TIAM2: variants seen among roughly 807,000 people sequenced by gnomAD.
TIAM2 encodes rho guanine nucleotide exchange factor TIAM2.
In TIAM2, 80 loss-of-function variants were observed where a neutral mutation model predicts 152.9. The ratio of observed to expected loss-of-function variants is 0.52; its 90% CI spans 0.44 to 0.63. TIAM2 has a LOEUF of 0.63. Among genes scored for constraint, TIAM2 ranks in the 30% least tolerant of loss-of-function variants. TIAM2 has a pLI of 0.00. For synonymous variants in TIAM2, 804 were observed against 838.0 expected (o/e 0.96, Z 0.70); for missense variants, 1,965 against 2,120.1 (o/e 0.93, Z 1.44).
chr6:155,249,890 A>C lies in TIAM2; in HGVS notation c.3872A>C (p.Asn1291Thr). 6.2e-7 allele frequency: 1 copy of C among 1,614,178 alleles called. No individual in the cohort carries two copies. Among genetic ancestry groups the C allele is most frequent in the Non-Finnish European group, 8.5e-7 (1 of 1,180,016 alleles). ...ATGGAGAAAGTAGCGAGCCACATCAATGAGATGCAGAAGATCTATGAGGAT... is the reference window on the plus strand; with the variant it reads ...ATGGAGAAAGTAGCGAGCCACATCACTGAGATGCAGAAGATCTATGAGGAT... ...KAMEKVASHI[N>T]EMQKIYEDYG... The change falls in exon 21 of 27, where the codon AAT (asparagine) becomes ACT (threonine). Residue 1291 changes from asparagine (N) to threonine (T), a missense_variant. Physicochemically the swap from Asn to Thr is moderately conservative, Grantham distance 65 (BLOSUM62 0). Coordinates refer to ENST00000682666, the MANE Select transcript of TIAM2 (RefSeq NM_012454.4).
chr6:155,199,515 C>T (rs17086050), intron 14 of TIAM2, among the ~76,000 whole-genome samples: 32,307 of 152,098 alleles, frequency 0.21, 3,883 homozygotes, highest in East Asian at 0.49. Context: ...CTGGCTTTTT[C>T]GTCTGTGACC....
At position 155,150,648 on chromosome 6, in the gene TIAM2, T is replaced by G. The variant is rs191987545; in HGVS notation, c.2028+2314T>G. ...ACAAAATACTGTAAAGCGGGTGGCT[T>G]ATAAACAAGAGCAATTTATTTCTCA... is the stretch of plus-strand genomic sequence containing the variant. On this transcript the variant is annotated intron_variant, in intron 7 of 26. Transcript: ENST00000682666. 4.9e-4 allele frequency among the ~76,000 whole-genome samples: 74 copies of G among 152,286 alleles called. 1 individual carries two copies. The highest frequency in any genetic ancestry group is 3.9e-3 in the Admixed American group (60 of 15,292).
At chr6:155,052,381 A>G (rs1777337350) in intron 1 of TIAM2, among the ~76,000 whole-genome samples, 2 of 152,198 alleles carry the variant, frequency 1.3e-5, no homozygotes, top group Admixed American at 1.3e-4. Context: ...TATACAAGTT[A>G]CTTGATATAT....
At chr6:155,155,722 G>A (rs1780089648) in intron 7 of TIAM2, among the ~76,000 whole-genome samples, 1 of 152,222 alleles carries the variant, frequency 6.6e-6, no homozygotes, top group Non-Finnish European at 1.5e-5. Flanking sequence ...CAATCTGCCC[G>A]CCTTGGCCTC....
At chr6:155,242,508 C>T (rs1285216355) in intron 16 of TIAM2, among the ~76,000 whole-genome samples, 2 of 152,146 alleles carry the variant, frequency 1.3e-5, no homozygotes, top group African/African-American at 2.4e-5. Context: ...TGAAAGCATC[C>T]GTGTCACAGG....
chr6:155,150,711 G>A lies in TIAM2; in HGVS notation c.2028+2377G>A, dbSNP rs578037517. On this transcript the variant is annotated intron_variant, in intron 7 of 26. Coordinates refer to ENST00000682666, the MANE Select transcript of TIAM2 (RefSeq NM_012454.4). The stretch of plus-strand genomic sequence containing the variant: ...CTGAGAAGTCCAAGATCAAGATGCC[G>A]GCAGATTCAGTGTCTGGTGAGGCCC... Among the ~76,000 whole-genome samples, 32 of 152,206 alleles carry A rather than the reference G, an allele frequency of 2.1e-4. 1 individual carries two copies. In the South Asian group the frequency reaches 3.5e-3, roughly 17 times the overall value.
At chr6:155,223,517 A>AT (rs11389646) in intron 15 of TIAM2, among the ~76,000 whole-genome samples, 128,502 of 140,844 alleles carry the variant, frequency 0.91, 58,717 homozygotes, top group East Asian at 1. Context: ...ACATCCCCAG[A>AT]TTTTTTTTTC....
At position 155,256,611 on chromosome 6, in the gene TIAM2, C is replaced by T. The variant is rs770617207; in HGVS notation, c.4596C>T (p.Cys1532=). 3.1e-6 allele frequency: 5 copies of T among 1,614,006 alleles called. No homozygotes were observed. The African/African-American group carries it at 5.3e-5, about 17-fold the overall frequency. The change falls in exon 27 of 27, where the codon TGC becomes TGT. Residue 1532 remains cysteine (C), a synonymous_variant. Coordinates refer to ENST00000682666, the MANE Select transcript of TIAM2 (RefSeq NM_012454.4). ...GCAGCGGCACCCAGAGCAGCGGCTG[C>T]CCCACGGCTGAGGGCAGGCAGGACT... The part of the protein sequence containing the change: ...SLSSGTQSSG[C]PTAEGRQDSK...
chr6:155,181,173 C>T lies in TIAM2; in HGVS notation c.2708-1053C>T, dbSNP rs114817349. Among the ~76,000 whole-genome samples the T allele has an allele frequency of 4.4e-3, 677 of 152,272 alleles. 8 individuals are homozygous for T. Among genetic ancestry groups the T allele is most frequent in the African/African-American group, 0.015 (637 of 41,536 alleles). The stretch of plus-strand genomic sequence containing the variant: ...ATTCTTGCTGTCCTCAAAGAACTCT[C>T]CGTATTAGGGGACCAAGACATGGAA... On this transcript the variant is annotated intron_variant, in intron 12 of 26. Coordinates refer to ENST00000682666, the MANE Select transcript of TIAM2 (RefSeq NM_012454.4).
intron 1 of TIAM2, among the ~76,000 whole-genome samples, chr6:155,046,123 G>A (rs949015872): frequency 1.3e-5 from 2 of 151,872 alleles, no homozygotes; most frequent in Non-Finnish European, 2.9e-5. Flanking sequence ...ACCTCCCGAG[G>A]TTTGGGCTGT....
intron 14 of TIAM2, among the ~76,000 whole-genome samples, chr6:155,188,461 T>C: frequency 6.6e-6 from 1 of 152,242 alleles, no homozygotes; most frequent in East Asian, 1.9e-4. Context: ...ATTTCTGTTC[T>C]AGTTATTCAC....
At chr6:155,097,282 T>C (rs1206558650) in intron 2 of TIAM2, among the ~76,000 whole-genome samples, 4 of 152,252 alleles carry the variant, frequency 2.6e-5, no homozygotes, top group Non-Finnish European at 4.4e-5. Flanking sequence ...GCAGATATTT[T>C]CTCCCATTTT....
chr6:155,187,656 C>T (rs1020809536), intron 14 of TIAM2, among the ~76,000 whole-genome samples: 7 of 145,314 alleles, frequency 4.8e-5, no homozygotes, highest in East Asian at 4.1e-4. Flanking sequence ...CTTGGCTCAC[C>T]GCAACCTCCA....
intron 1 of TIAM2, among the ~76,000 whole-genome samples, chr6:155,048,319 CTG>C (rs1462758525): frequency 6.6e-6 from 1 of 152,054 alleles, no homozygotes; most frequent in Non-Finnish European, 1.5e-5. Flanking sequence ...GTTGCCCAGG[CTG>C]GTCTTCAGCA....
intron 10 of TIAM2, 150 bp downstream of exon 10, chr6:155,177,127 G>A: frequency 1.4e-6 from 1 of 712,790 alleles, no homozygotes; most frequent in Non-Finnish European, 2.1e-6. Context: ...ATATTTATTA[G>A]CATATTCATT....
intron 1 of TIAM2, among the ~76,000 whole-genome samples, chr6:155,048,384 C>T (rs976182671): frequency 4.6e-5 from 7 of 152,176 alleles, no homozygotes; most frequent in African/African-American, 1.7e-4. Flanking sequence ...TGAGCCACCA[C>T]GCCTGGCCAA....
At position 155,029,270 on chromosome 6, in the gene TIAM2, T is replaced by A. The variant is rs1158532816; in HGVS notation, c.-209+33778T>A. ...TATATGTACTATGTGTTATATACAC[T>A]ATATGTACTATGTGTTATATATACT... On this transcript the variant is annotated intron_variant, in intron 1 of 26. Coordinates refer to ENST00000682666, the MANE Select transcript of TIAM2 (RefSeq NM_012454.4). 5.5e-5 allele frequency among the ~76,000 whole-genome samples: 3 copies of A among 54,574 alleles called. 1 individual carries two copies. The highest frequency in any genetic ancestry group is 1.6e-4 in the African/African-American group (3 of 19,308). The allele number at this position is 54,574 out of a possible 152,430, so 35.8% of individuals were successfully genotyped here.
chr6:155,201,810 C>T (rs1346715203), intron 14 of TIAM2, among the ~76,000 whole-genome samples: 1 of 152,210 alleles, frequency 6.6e-6, no homozygotes, highest in Non-Finnish European at 1.5e-5. Flanking sequence ...TATTAAGAAA[C>T]ATTTACTACC....
At chr6:155,124,932 G>A (rs111491498) in intron 2 of TIAM2, among the ~76,000 whole-genome samples, 1 of 148,442 alleles carries the variant, frequency 6.7e-6, no homozygotes, top group East Asian at 2.0e-4. Context: ...CTTTGTCTTT[G>A]TTAGAGGAAC....
Sources: allele counts gnomAD v4.1 joint callset (sites outside exome capture counted in the v4.1 genomes callset), GRCh38; gene constraint gnomAD v4.1.1; transcripts MANE v1.5; gene names NCBI Gene and HGNC (gene_info 2026-07-23, HGNC 2026-07-21).